PLCG2: variants seen among roughly 807,000 people sequenced by gnomAD.
The protein encoded by PLCG2 is 1-phosphatidylinositol 4,5-bisphosphate phosphodiesterase gamma-2.
A neutral mutation model predicts 175.6 loss-of-function variants in PLCG2; 69 were observed. That is an observed-to-expected ratio of 0.39 (90% CI 0.32 to 0.48). PLCG2 has a LOEUF of 0.48. Among genes scored for constraint, PLCG2 ranks in the 20% least tolerant of loss-of-function variants. The pLI is 0.91. For missense variants in PLCG2, 1,798 were observed against 1,650.9 expected (o/e 1.09, Z -1.54); for synonymous variants, 827 against 624.0 (o/e 1.33, Z -4.85).
chr16:81,855,751 C>G (rs1262912776), intron 3 of PLCG2, among the ~76,000 whole-genome samples: 1 of 152,074 alleles, frequency 6.6e-6, no homozygotes, highest in African/African-American at 2.4e-5. Context: ...GGTTTTGAGG[C>G]TTCAGTAGGA....
intron 1 of PLCG2, among the ~76,000 whole-genome samples, chr16:81,779,760 G>C (rs549727841): frequency 1.3e-5 from 2 of 152,236 alleles, no homozygotes; most frequent in East Asian, 3.9e-4. Context: ...TTTTCGAGCG[G>C]CTCTGCGTGG....
At chr16:81,814,909 G>A (rs905475811) in intron 2 of PLCG2, among the ~76,000 whole-genome samples, 4 of 152,110 alleles carry the variant, frequency 2.6e-5, no homozygotes, top group Non-Finnish European at 4.4e-5. Flanking sequence ...ATACACATTA[G>A]GTTTGTAGCA....
chr16:81,860,929 A>G (rs1906948526), intron 5 of PLCG2, among the ~76,000 whole-genome samples: 1 of 152,142 alleles, frequency 6.6e-6, no homozygotes, highest in Non-Finnish European at 1.5e-5. Flanking sequence ...GTGAGCCGAG[A>G]TCGCGCCACT....
At chr16:81,819,401 C>T (rs992607860) in intron 2 of PLCG2, among the ~76,000 whole-genome samples, 2 of 152,116 alleles carry the variant, frequency 1.3e-5, no homozygotes, top group Admixed American at 6.5e-5. Flanking sequence ...CTGCGAATCC[C>T]CTTGTGCAGC....
At chr16:81,806,435 T>G (rs539388644) in intron 2 of PLCG2, among the ~76,000 whole-genome samples, 33 of 152,200 alleles carry the variant, frequency 2.2e-4, no homozygotes, top group African/African-American at 7.5e-4. Flanking sequence ...GACATCTGAT[T>G]GCTGGGCCCG....
rs143905052 is a variant in PLCG2 at position 81,798,828 on chromosome 16, G to A, written c.193+12646G>A. On this transcript the variant is annotated intron_variant, in intron 2 of 32. Coordinates refer to ENST00000564138, the MANE Select transcript of PLCG2 (RefSeq NM_002661.5). Reference sequence around the variant, plus strand: ...AGGTGGAGGAGGGGCTGGCCTCCCCGGCCTCAGGACTTCAGGGATCCCACT... The same window carrying A: ...AGGTGGAGGAGGGGCTGGCCTCCCCAGCCTCAGGACTTCAGGGATCCCACT... 6.1e-3 allele frequency: 928 copies of A among 152,434 alleles called. 5 individuals are homozygous for A. The highest frequency in any genetic ancestry group is 0.013 in the Middle Eastern group (4 of 298). 9.4% of individuals were successfully genotyped at this position (152,434 alleles called of 1,614,324 possible).
intron 2 of PLCG2, among the ~76,000 whole-genome samples, chr16:81,756,379 C>T (rs1909928098): frequency 6.6e-6 from 1 of 152,244 alleles, no homozygotes; most frequent in Non-Finnish European, 1.5e-5. Context: ...GATTTATCTC[C>T]TTTAATCCTC....
At chr16:81,781,075 A>G (rs182631387) in intron 1 of PLCG2, among the ~76,000 whole-genome samples, 35 of 149,968 alleles carry the variant, frequency 2.3e-4, no homozygotes, top group Non-Finnish European at 4.9e-4. Context: ...CTTAATTTAG[A>G]AAACAGCAAG....
rs1052783057 is a variant in PLCG2, at chr16:81,938,821, C to T, written c.3219C>T (p.Leu1073=). 1.9e-6 allele frequency: 3 copies of T among 1,611,060 alleles called. No individual in the cohort carries two copies. Among genetic ancestry groups the T allele is most frequent in the Non-Finnish European group, 2.5e-6 (3 of 1,178,172 alleles). ...LTVKVLGARH[L]PKLGRSIACP... is the part of the protein sequence containing the mutation. ...CCCAGGTTCTCGGTGCTCGCCATCT[C>T]CCCAAACTTGGACGAAGTATTGCCT... The change falls in exon 29 of 33, where the codon CTC becomes CTT. Residue 1073 remains leucine (L), a synonymous_variant. Transcript: ENST00000564138.
At position 81,893,614 on chromosome 16, in the gene PLCG2, C is replaced by T. The variant is rs113092547; in HGVS notation, c.987-95C>T. The T allele has an allele frequency of 1.1e-4, 83 of 753,098 alleles. 1 individual carries two copies. The highest frequency in any genetic ancestry group is 1.1e-3 in the African/African-American group (63 of 57,290). 46.7% of individuals were successfully genotyped at this position (753,098 alleles called of 1,614,324 possible). A position where few individuals can be genotyped will look rare whatever the true frequency, so the allele number is the denominator to read the frequency against. On this transcript the variant is annotated intron_variant, in intron 11 of 32. Transcript: ENST00000564138. ...GAACTCAGAGCTTTGGCGGCTCGGG[C>T]GGAGAAGTTCCCCCACAACACCCTG...
intron 2 of PLCG2, among the ~76,000 whole-genome samples, chr16:81,770,927 A>G (rs914304622): frequency 6.6e-6 from 1 of 151,364 alleles, no homozygotes; most frequent in Non-Finnish European, 1.5e-5. Context: ...GCGTGGTTGC[A>G]GGTGCCTGTG....
rs546349103 is a variant in PLCG2, at chr16:81,821,728, T to C, written c.194-32716T>C. Among the ~76,000 whole-genome samples, 7 of 152,288 alleles carry C rather than the reference T, an allele frequency of 4.6e-5. 1 individual carries two copies. The South Asian group carries it at 1.5e-3, about 32-fold the overall frequency. ...ATCAGTGGAGCGCAGAGCCCCAAAA[T>C]AGATCTTTCTCCGCTAACTTGCCAA... is the stretch of plus-strand genomic sequence containing the variant. On this transcript the variant is annotated intron_variant, in intron 2 of 32. Transcript: ENST00000564138.
At chr16:81,825,447 G>C (rs9926920) in intron 2 of PLCG2, among the ~76,000 whole-genome samples, 108,141 of 151,892 alleles carry the variant, frequency 0.71, 38,699 homozygotes, top group East Asian at 0.91. Context: ...GCATGCGCCA[G>C]CACACCTGGC....
At chr16:81,846,248 C>T (rs1906110098) in intron 2 of PLCG2, among the ~76,000 whole-genome samples, 1 of 152,184 alleles carries the variant, frequency 6.6e-6, no homozygotes, top group Non-Finnish European at 1.5e-5. Flanking sequence ...GACTGGCCTC[C>T]CTTCCTTCAG....
At chr16:81,817,442 C>T (rs535917412) in intron 2 of PLCG2, among the ~76,000 whole-genome samples, 5 of 152,184 alleles carry the variant, frequency 3.3e-5, no homozygotes, top group Non-Finnish European at 5.9e-5. Flanking sequence ...TTGTTGCGCA[C>T]GCTGGAGTGC....
At chr16:81,818,297 C>G (rs1904641247) in intron 2 of PLCG2, among the ~76,000 whole-genome samples, 1 of 152,162 alleles carries the variant, frequency 6.6e-6, no homozygotes, top group Non-Finnish European at 1.5e-5. Context: ...GTCTCTCATT[C>G]CATCGTGCTC....
rs1398715311 is a variant in PLCG2 at position 81,962,053 on chromosome 16, C to G, written c.*4055C>G. The G allele has an allele frequency of 5.3e-6, 1 of 189,112 alleles. No homozygotes were observed. Among genetic ancestry groups the G allele is most frequent in the South Asian group, 1.9e-4 (1 of 5,130 alleles). The allele number at this position is 189,112 out of a possible 1,614,324, so 11.7% of individuals were successfully genotyped here. A position where few individuals can be genotyped will look rare whatever the true frequency, so the allele number is the denominator to read the frequency against. ...CGCTCCATGTGCGTCCCTCCCGAAG[C>G]TGCGCGCTCCGTCGAAGAGGACGAC... is the stretch of plus-strand genomic sequence containing the variant. On this transcript the variant is annotated 3_prime_UTR_variant, in exon 33 of 33. Coordinates refer to ENST00000564138, the MANE Select transcript of PLCG2 (RefSeq NM_002661.5).
intron 2 of PLCG2, among the ~76,000 whole-genome samples, chr16:81,803,524 T>C (rs1911836813): frequency 7.7e-6 from 1 of 130,492 alleles, no homozygotes; most frequent in South Asian, 2.6e-4. Context: ...TGTTCTTTCT[T>C]TCCTTTCTTT....
intron 1 of PLCG2, among the ~76,000 whole-genome samples, chr16:81,740,018 A>G (rs1909550345): frequency 6.6e-6 from 1 of 151,870 alleles, no homozygotes; most frequent in African/African-American, 2.4e-5. Flanking sequence ...CATGCCTGCA[A>G]TCACAGTTAC....
Sources: allele counts gnomAD v4.1 joint callset (sites outside exome capture counted in the v4.1 genomes callset), GRCh38; gene constraint gnomAD v4.1.1; transcripts MANE v1.5; gene names NCBI Gene and HGNC (gene_info 2026-07-23, HGNC 2026-07-21).